The following SNX29 variants were observed in gnomAD, a reference collection of about 807,000 sequenced individuals.
The protein encoded by SNX29 is sorting nexin-29.
In SNX29, 78 loss-of-function variants were observed where a neutral mutation model predicts 102.1. That is an observed-to-expected ratio of 0.76 (90% CI 0.64 to 0.92). SNX29 has a LOEUF of 0.92. Ranked by LOEUF, SNX29 falls within the 40% of genes least tolerant of loss-of-function variation. The probability of loss-of-function intolerance (pLI) is 0.00; values close to 1 mark genes in which losing one functional copy is unlikely to be tolerated. For missense variants in SNX29, 1,280 were observed against 1,061.7 expected, an observed-to-expected ratio of 1.21 and a Z score of -2.86; for synonymous variants, 580 against 414.5, an observed-to-expected ratio of 1.40 and a Z score of -4.85.
chr16:12,241,782 C>G (rs759951510), intron 14 of SNX29, among the ~76,000 whole-genome samples: 1 of 152,144 alleles, frequency 6.6e-6, no homozygotes, highest in Non-Finnish European at 1.5e-5. Context: ...ATCTTTGTTT[C>G]CCCATCTCTT....
chr16:12,432,257 G>A (rs772761231), intron 18 of SNX29, among the ~76,000 whole-genome samples: 3 of 152,230 alleles, frequency 2.0e-5, no homozygotes, highest in South Asian at 2.1e-4. Context: ...GCCAATTACC[G>A]TTAGTCATGG....
rs140508284 is a variant in SNX29 at position 12,555,440 on chromosome 16, T to C, written c.2319-13066T>C. 2.4e-3 allele frequency among the ~76,000 whole-genome samples: 371 copies of C among 152,154 alleles called. 3 individuals are homozygous for C. Among genetic ancestry groups the C allele is most frequent in the Non-Finnish European group, 3.0e-3 (207 of 67,996 alleles). On this transcript the variant is annotated intron_variant, in intron 20 of 20. Coordinates refer to ENST00000566228, the MANE Select transcript of SNX29 (RefSeq NM_032167.5). ...CAGGTTGCTTTGTAGGAGACACTCA[T>C]GTACGCAGGGTGTTTCCCTAGTTGA... is the stretch of plus-strand genomic sequence containing the variant.
rs1276998081 is a variant in SNX29 at position 12,572,939 on chromosome 16, A to T, written c.*4310A>T. 2.5e-6 allele frequency: 2 copies of T among 798,504 alleles called. No homozygotes were observed. The highest frequency in any genetic ancestry group is 3.1e-6 in the Non-Finnish European group (2 of 636,396). The allele number at this position is 798,504 out of a possible 1,614,324, so 49.5% of individuals were successfully genotyped here. A position where few individuals can be genotyped will look rare whatever the true frequency, so the allele number is the denominator to read the frequency against. ...CTTGGAGTGTTTCTTCAAGGCAGGC[A>T]TCTGCTTATGAGCAAGGTCAAAGAT... On this transcript the variant is annotated 3_prime_UTR_variant, in exon 21 of 21. Transcript: ENST00000566228.
In SNX29 at chr16:11,995,930, C is replaced by T. The variant is rs1342586491; in HGVS notation, c.8-3367C>T. 5.3e-5 allele frequency among the ~76,000 whole-genome samples: 8 copies of T among 151,890 alleles called. No homozygotes were observed. In the East Asian group the frequency reaches 7.7e-4, roughly 15 times the overall value. On this transcript the variant is annotated intron_variant, in intron 1 of 20. Transcript: ENST00000566228. Reference sequence around the variant, plus strand: ...CAAAAATTAGCCGGGCGTGGTGGTGCGTGCCTGTAATCCCAGCTTTTTGGG... The same window carrying T: ...CAAAAATTAGCCGGGCGTGGTGGTGTGTGCCTGTAATCCCAGCTTTTTGGG...
chr16:12,040,614 G>A (rs984535489), intron 4 of SNX29, among the ~76,000 whole-genome samples: 32 of 152,246 alleles, frequency 2.1e-4, no homozygotes, highest in African/African-American at 7.2e-4. Flanking sequence ...TATGTATAGG[G>A]GTGTTCTTTA....
At chr16:12,172,438 G>C (rs1479539408) in intron 13 of SNX29, among the ~76,000 whole-genome samples, 1 of 152,128 alleles carries the variant, frequency 6.6e-6, no homozygotes, top group Non-Finnish European at 1.5e-5. Flanking sequence ...GATGCTGGAT[G>C]GAGGAAAAGC....
chr16:12,294,626 T>A (rs1264521064), intron 15 of SNX29, among the ~76,000 whole-genome samples: 1 of 152,194 alleles, frequency 6.6e-6, no homozygotes, highest in Non-Finnish European at 1.5e-5. Context: ...GCCCTTTGCC[T>A]ATGCTCAGCG....
intron 20 of SNX29, among the ~76,000 whole-genome samples, chr16:12,554,653 G>A (rs778458824): frequency 3.9e-5 from 6 of 152,206 alleles, no homozygotes; most frequent in African/African-American, 1.4e-4. Flanking sequence ...TCACCAGTTT[G>A]TGCATTTGCT....
intron 14 of SNX29, among the ~76,000 whole-genome samples, chr16:12,208,968 G>T (rs929401377): frequency 1.3e-5 from 2 of 152,148 alleles, no homozygotes; most frequent in African/African-American, 4.8e-5. Flanking sequence ...TAGAAGGTCT[G>T]TTCTGCACGG....
rs770726085 is a variant in SNX29, at chr16:12,370,083, G to A, written c.1899+13804G>A. Among the ~76,000 whole-genome samples, 149 of 151,078 alleles carry A rather than the reference G, an allele frequency of 9.9e-4. 2 individuals carry two copies. Among genetic ancestry groups the A allele is most frequent in the Non-Finnish European group, 1.2e-4 (8 of 67,792 alleles). ...TAAAAATACGAAAAAGTAACTGGGC[G>A]TGGTAGCATGTGCCCTTAATCCCAG... On this transcript the variant is annotated intron_variant, in intron 16 of 20. Coordinates refer to ENST00000566228, the MANE Select transcript of SNX29 (RefSeq NM_032167.5).
intron 14 of SNX29, among the ~76,000 whole-genome samples, chr16:12,223,772 A>G (rs372359185): frequency 2.0e-5 from 3 of 152,190 alleles, no homozygotes; most frequent in Non-Finnish European, 2.9e-5. Context: ...ATTGAGACCT[A>G]GAGGGGACCT....
At chr16:12,101,074 G>A (rs1200904880) in intron 11 of SNX29, among the ~76,000 whole-genome samples, 3 of 152,160 alleles carry the variant, frequency 2.0e-5, no homozygotes, top group Non-Finnish European at 2.9e-5. Context: ...CAGTCTTTCA[G>A]CTGTTACTTC....
intron 13 of SNX29, among the ~76,000 whole-genome samples, chr16:12,177,190 G>A (rs1298425092): frequency 6.6e-6 from 1 of 152,074 alleles, no homozygotes; most frequent in African/African-American, 2.4e-5. Flanking sequence ...ATCCTCAAGC[G>A]ATCCTCCCAC....
At chr16:12,555,116 G>C (rs576930145) in intron 20 of SNX29, among the ~76,000 whole-genome samples, 1 of 118,574 alleles carries the variant, frequency 8.4e-6, no homozygotes, top group African/African-American at 2.5e-5. Context: ...CAATCTCAGA[G>C]TATCAAAAGG....
intron 14 of SNX29, among the ~76,000 whole-genome samples, chr16:12,200,350 C>G (rs1407314584): frequency 1.3e-5 from 2 of 152,124 alleles, no homozygotes; most frequent in Non-Finnish European, 2.9e-5. Flanking sequence ...TCAGGGCAGC[C>G]TGAAGAAAGG....
chr16:12,541,580 C>T (rs2077342870), intron 20 of SNX29, among the ~76,000 whole-genome samples: 1 of 152,144 alleles, frequency 6.6e-6, no homozygotes, highest in African/African-American at 2.4e-5. Context: ...CTCTCCATGC[C>T]AGACCTCAAC....
In SNX29 at chr16:12,084,090, C is replaced by T. The variant is rs1447272820; in HGVS notation, c.1402+5175C>T. 3.3e-5 allele frequency among the ~76,000 whole-genome samples: 5 copies of T among 152,054 alleles called. No homozygotes were observed. The East Asian group carries it at 9.6e-4, about 29-fold the overall frequency. The stretch of plus-strand genomic sequence containing the variant: ...TATCCAGACCCACATGATTGTTCTC[C>T]TACTGCAAGGCCCTCTGGTACTTCA... On this transcript the variant is annotated intron_variant, in intron 11 of 20. Transcript: ENST00000566228.
At chr16:12,415,664 T>A (rs1334797557) in intron 18 of SNX29, among the ~76,000 whole-genome samples, 2 of 151,714 alleles carry the variant, frequency 1.3e-5, no homozygotes, top group Non-Finnish European at 3.0e-5. Flanking sequence ...ACCTCCCACA[T>A]CCAGGGGAGG....
At chr16:12,434,809 G>C (rs890561763) in intron 18 of SNX29, among the ~76,000 whole-genome samples, 2 of 152,076 alleles carry the variant, frequency 1.3e-5, no homozygotes, top group African/African-American at 2.4e-5. Flanking sequence ...AGGCTAGAAC[G>C]GGGGGATGCC....
Sources: gnomAD v4.1 joint callset for allele counts (sites outside exome capture counted in the v4.1 genomes callset) on GRCh38, gnomAD v4.1.1 for gene constraint, MANE v1.5 for transcripts, NCBI Gene and HGNC (gene_info 2026-07-23, HGNC 2026-07-21) for gene names.